Variants in DAG1 observed in about 807,000 individuals in gnomAD.
DAG1 encodes the protein dystroglycan 1 (dystrophin-associated glycoprotein 1).
A neutral mutation model predicts 46.1 loss-of-function variants in DAG1; 8 were observed. The observed-to-expected ratio is 0.17, with a 90% CI of 0.10 to 0.31. The LOEUF (loss-of-function observed/expected upper bound fraction) is 0.31. Among genes scored for constraint, DAG1 ranks in the 10% least tolerant of loss-of-function variants. The probability of loss-of-function intolerance (pLI) is 1.00; values close to 1 mark genes in which losing one functional copy is unlikely to be tolerated. For missense variants in DAG1, 1,003 were observed against 1,189.9 expected, an observed-to-expected ratio of 0.84 and a Z score of 2.31; for synonymous variants, 495 against 481.8, an observed-to-expected ratio of 1.03 and a Z score of -0.36.
intron 1 of DAG1, chr3:49,492,747 TGGAGTAGCAGCTCCAA>T (rs1288998321): frequency 6.6e-6 from 1 of 151,970 alleles, no homozygotes; most frequent in Non-Finnish European, 1.5e-5. Context: ...GATGGGGAGG[TGGAGTAGCAGCTCCAA>T]GGTACTTTTC....
At chr3:49,509,275 A>T (rs1176248009) in intron 1 of DAG1, among the ~76,000 whole-genome samples, 1 of 152,114 alleles carries the variant, frequency 6.6e-6, no homozygotes, top group Non-Finnish European at 1.5e-5. Context: ...TGTACAAAAG[A>T]TTTTTAAAAA....
intron 2 of DAG1, among the ~76,000 whole-genome samples, chr3:49,517,219 TC>T (rs1239924225): frequency 6.6e-6 from 1 of 151,928 alleles, no homozygotes; most frequent in African/African-American, 2.4e-5. Flanking sequence ...GGTCTCGATC[TC>T]CTGACCTTGT....
At position 49,531,855 on chromosome 3, in the gene DAG1, G is replaced by A. The variant is rs200594787; in HGVS notation, c.1344G>A (p.Arg448=). Residue 448 remains arginine (R), a synonymous_variant, in exon 3 of 3, where the codon AGG becomes AGA. Coordinates refer to ENST00000308775, the MANE Select transcript of DAG1 (RefSeq NM_004393.6). This position sits in a 1 kb window ranked among gnomAD's most constrained non-coding sequence, Gnocchi z 7.0. ...ACTCCACCACCACCACGACTCGCAG[G>A]CCAACCAAGAAACCACGGACACCCC... is the stretch of plus-strand genomic sequence containing the variant. ...STDSTTTTTR[R]PTKKPRTPRP... The A allele has an allele frequency of 1.2e-6, 2 of 1,613,602 alleles. No individual in the cohort carries two copies. Among genetic ancestry groups the A allele is most frequent in the South Asian group, 1.1e-5 (1 of 91,048 alleles).
Position 49,494,638 on chromosome 3 carries a change from A to AT in DAG1, c.-116-15768dup, listed in dbSNP as rs879895429. Among the ~76,000 whole-genome samples the AT allele has an allele frequency of 2.6e-3, 378 of 144,526 alleles. 1 individual carries two copies. Among genetic ancestry groups the AT allele is most frequent in the Middle Eastern group, 3.6e-3 (1 of 280 alleles). 94.8% of individuals were successfully genotyped at this position (144,526 alleles called of 152,430 possible). ...TTATGCTTGGTGAATTATTATTATT[A>AT]TTTTTTTTTTTTTGGAGACAGAGTC... On this transcript the variant is annotated intron_variant, in intron 1 of 2. Coordinates refer to ENST00000308775, the MANE Select transcript of DAG1 (RefSeq NM_004393.6).
At chr3:49,486,737 G>A (rs890649614) in intron 1 of DAG1, among the ~76,000 whole-genome samples, 3 of 151,362 alleles carry the variant, frequency 2.0e-5, no homozygotes, top group Non-Finnish European at 4.4e-5. Flanking sequence ...TCCTGACCTC[G>A]GGTGATCTGC....
chr3:49,508,106 T>A (rs1158259740), intron 1 of DAG1, among the ~76,000 whole-genome samples: 1 of 151,894 alleles, frequency 6.6e-6, no homozygotes, highest in Non-Finnish European at 1.5e-5. Context: ...GTTATTTGTT[T>A]CAATGGTTTT....
Position 49,517,528 on chromosome 3 carries a change from G to A in DAG1, c.285+6709G>A, listed in dbSNP as rs145854246. ...TGACATGGATGGTGTCACATGTGATGAGACGGGTTTGTACAACCTGCCATG... is the reference window on the plus strand; with the variant it reads ...TGACATGGATGGTGTCACATGTGATAAGACGGGTTTGTACAACCTGCCATG... On this transcript the variant is annotated intron_variant, in intron 2 of 2. Transcript: ENST00000308775. 4.8e-3 allele frequency among the ~76,000 whole-genome samples: 730 copies of A among 152,298 alleles called. 9 individuals carry two copies. Among genetic ancestry groups the A allele is most frequent in the African/African-American group, 0.016 (661 of 41,562 alleles).
chr3:49,519,841 T>C lies in DAG1; in HGVS notation c.285+9022T>C, dbSNP rs527892282. Among the ~76,000 whole-genome samples the C allele has an allele frequency of 2.6e-5, 4 of 152,324 alleles. 1 individual carries two copies. Among genetic ancestry groups the C allele is most frequent in the African/African-American group, 9.6e-5 (4 of 41,564 alleles). ...ATTCTGAGGATTTTATTAGTGGCTCTAACTATGTTAAGCTGCCCTTTACTT... is the reference window on the plus strand; with the variant it reads ...ATTCTGAGGATTTTATTAGTGGCTCCAACTATGTTAAGCTGCCCTTTACTT... On this transcript the variant is annotated intron_variant, in intron 2 of 2. Coordinates refer to ENST00000308775, the MANE Select transcript of DAG1 (RefSeq NM_004393.6).
chr3:49,509,564 AT>A (rs570185921), intron 1 of DAG1, among the ~76,000 whole-genome samples: 253 of 152,152 alleles, frequency 1.7e-3, no homozygotes, highest in Admixed American at 3.8e-3. Flanking sequence ...GATTTGTGTG[AT>A]TTTCTTTGCA....
At chr3:49,520,436 G>A (rs1446012788) in intron 2 of DAG1, among the ~76,000 whole-genome samples, 1 of 152,204 alleles carries the variant, frequency 6.6e-6, no homozygotes, top group Non-Finnish European at 1.5e-5. Context: ...GTTGTCTATG[G>A]TACCCAGCCA....
At chr3:49,515,326 C>T (rs1335926365) in intron 2 of DAG1, among the ~76,000 whole-genome samples, 4 of 148,904 alleles carry the variant, frequency 2.7e-5, no homozygotes, top group African/African-American at 9.9e-5. Context: ...ATTTTTTTAC[C>T]TGTAGTCATT....
At chr3:49,517,826 A>G (rs779176222) in intron 2 of DAG1, among the ~76,000 whole-genome samples, 5 of 152,214 alleles carry the variant, frequency 3.3e-5, no homozygotes, top group Non-Finnish European at 7.3e-5. Flanking sequence ...AAGGCTTGCT[A>G]TGTGATAAAG....
Position 49,532,701 on chromosome 3 carries a change from G to A in DAG1, c.2190G>A (p.Glu730=), listed in dbSNP as rs1293129309. The A allele has an allele frequency of 1.2e-6, 2 of 1,614,188 alleles. No homozygotes were observed. The highest frequency in any genetic ancestry group is 3.3e-5 in the Admixed American group (2 of 60,036). Residue 730 remains glutamate (E), a synonymous_variant, in exon 3 of 3, where the codon GAG becomes GAA. Coordinates refer to ENST00000308775, the MANE Select transcript of DAG1 (RefSeq NM_004393.6). This position sits in a 1 kb window ranked among gnomAD's most constrained non-coding sequence, Gnocchi z 5.4. ...TACCACCCAGGAGAGTGCCCTCAGA[G>A]GCGCCGCCCACAGAAGTGCCTGACA... The part of the protein sequence containing the change: ...PVVPPRRVPS[E]APPTEVPDRD...
At chr3:49,469,591 A>G (rs1221437661), upstream of DAG1, among the ~76,000 whole-genome samples, 1 of 151,796 alleles carries the variant, frequency 6.6e-6, no homozygotes, top group Non-Finnish European at 1.5e-5. Flanking sequence ...AGGCAGGGGG[A>G]GGGGACGAGG....
intron 1 of DAG1, among the ~76,000 whole-genome samples, chr3:49,499,578 G>A (rs1368986611): frequency 2.6e-5 from 4 of 152,176 alleles, no homozygotes; most frequent in African/African-American, 4.8e-5. Context: ...CCCTGTGTGC[G>A]TGGGCACTCA....
chr3:49,528,759 A>G (rs570818640), intron 2 of DAG1, among the ~76,000 whole-genome samples: 1 of 152,248 alleles, frequency 6.6e-6, no homozygotes, highest in South Asian at 2.1e-4. Flanking sequence ...AGTTGATGCA[A>G]TGTGGTATCA....
chr3:49,497,768 C>T (rs2050353785), intron 1 of DAG1, among the ~76,000 whole-genome samples: 1 of 152,186 alleles, frequency 6.6e-6, no homozygotes, highest in African/African-American at 2.4e-5. Context: ...GGAATTCTTT[C>T]AGTGAGCCCC....
intron 2 of DAG1, among the ~76,000 whole-genome samples, chr3:49,523,716 G>A (rs1275170551): frequency 6.6e-6 from 1 of 152,182 alleles, no homozygotes; most frequent in Non-Finnish European, 1.5e-5. Flanking sequence ...CCTTTGTGCA[G>A]TAGCCTCAAA....
At chr3:49,480,635 C>A (rs1233886368) in intron 1 of DAG1, among the ~76,000 whole-genome samples, 2 of 144,602 alleles carry the variant, frequency 1.4e-5, no homozygotes, top group African/African-American at 4.9e-5. Context: ...AATTCTTAGA[C>A]AGTTTGGTTC....
Sources: gnomAD v4.1 joint callset for allele counts (sites outside exome capture counted in the v4.1 genomes callset) on GRCh38, gnomAD v4.1.1 for gene constraint, Gnocchi (gnomAD v3.1) non-coding constraint, MANE v1.5 for transcripts, NCBI Gene and HGNC (gene_info 2026-07-23, HGNC 2026-07-21) for gene names.